Variants in CFAP20DC observed in about 807,000 individuals in gnomAD.
The protein encoded by CFAP20DC is CFAP20 domain containing.
In CFAP20DC, 84 loss-of-function variants were observed where a neutral mutation model predicts 101.7. The ratio of observed to expected loss-of-function variants is 0.83; its 90% CI spans 0.69 to 0.99. CFAP20DC has a LOEUF of 0.99. CFAP20DC is among the 50% of genes least tolerant of loss of function. CFAP20DC has a pLI of 0.00. For synonymous variants in CFAP20DC, 359 were observed against 351.2 expected (o/e 1.02, Z -0.25); for missense variants, 1,007 against 970.3 (o/e 1.04, Z -0.50).
intron 14 of CFAP20DC, among the ~76,000 whole-genome samples, chr3:58,812,547 G>C (rs2074742559): frequency 6.6e-6 from 1 of 151,228 alleles, no homozygotes; most frequent in East Asian, 1.9e-4. Context: ...ACAGTCTGGG[G>C]ACTGTTGTGG....
intron 14 of CFAP20DC, among the ~76,000 whole-genome samples, chr3:58,814,947 G>C (rs1339286296): frequency 1.3e-5 from 2 of 150,926 alleles, no homozygotes; most frequent in Non-Finnish European, 2.9e-5. Context: ...GTAATTTATA[G>C]ATTCAATGCC....
At chr3:58,780,106 C>T (rs993598053) in intron 15 of CFAP20DC, among the ~76,000 whole-genome samples, 1 of 151,986 alleles carries the variant, frequency 6.6e-6, no homozygotes, top group Non-Finnish European at 1.5e-5. Context: ...GGATACTATA[C>T]CCAGCAAAAT....
chr3:59,049,534 T>C (rs1700144347), intron 1 of CFAP20DC, 77 bp downstream of exon 1: 1 of 1,349,506 alleles, frequency 7.4e-7, no homozygotes, highest in South Asian at 1.2e-5. Flanking sequence ...GGGTGCACTT[T>C]ATCCTCACCC....
rs1436371516 is a variant in CFAP20DC, at chr3:58,882,833, G to A, written c.715+1712C>T. ...GGTAACTGTGGAAGCAGGTGATTGG[G>A]TACACAGGGGTTGTTCATCATACAT... is the stretch of plus-strand genomic sequence containing the variant. On this transcript the variant is annotated intron_variant, in intron 7 of 16. Transcript: ENST00000482387. The surrounding 1 kb of genome is among the most constrained non-coding windows in gnomAD (Gnocchi z 4.2). Among the ~76,000 whole-genome samples, 2 of 152,138 alleles carry A rather than the reference G, an allele frequency of 1.3e-5. No homozygotes were observed. The highest frequency in any genetic ancestry group is 6.5e-5 in the Admixed American group (1 of 15,276).
intron 6 of CFAP20DC, among the ~76,000 whole-genome samples, chr3:58,891,227 G>C (rs1026250037): frequency 5.9e-5 from 9 of 151,736 alleles, no homozygotes; most frequent in Non-Finnish European, 7.4e-5. Flanking sequence ...GCTGGAGACC[G>C]GCCCGGCCAA....
chr3:58,940,662 C>T (rs2088418417), intron 4 of CFAP20DC, among the ~76,000 whole-genome samples: 1 of 152,018 alleles, frequency 6.6e-6, no homozygotes, highest in Non-Finnish European at 1.5e-5. Context: ...ATTCTTATAC[C>T]AATAATACAC....
chr3:58,727,828 G>A (rs1355046345), intron 3 of CFAP20DC: 1 of 152,166 alleles, frequency 6.6e-6, no homozygotes, highest in Non-Finnish European at 1.5e-5. Flanking sequence ...CTTTTTCCCA[G>A]GGCCACTTTG....
At chr3:58,845,777 A>C (rs979383250) in intron 13 of CFAP20DC, among the ~76,000 whole-genome samples, 2 of 150,154 alleles carry the variant, frequency 1.3e-5, no homozygotes, top group Non-Finnish European at 3.0e-5. Context: ...AAATACTGGC[A>C]AAACGAATCC....
chr3:58,797,933 A>G (rs980701888), intron 15 of CFAP20DC, among the ~76,000 whole-genome samples: 4 of 152,180 alleles, frequency 2.6e-5, no homozygotes, highest in Admixed American at 6.5e-5. Context: ...AGTATACTGA[A>G]TATCTTGAGC....
intron 4 of CFAP20DC, among the ~76,000 whole-genome samples, chr3:58,948,984 T>G (rs1032017081): frequency 5.3e-5 from 8 of 152,210 alleles, no homozygotes; most frequent in African/African-American, 1.7e-4. Flanking sequence ...ATTGGTCTAT[T>G]CAGAGATTCA....
chr3:59,005,298 C>A (rs1348322816), intron 4 of CFAP20DC, among the ~76,000 whole-genome samples: 2 of 152,182 alleles, frequency 1.3e-5, no homozygotes, highest in African/African-American at 4.8e-5. Context: ...AGTCCAGCCA[C>A]ATGCACAGTT....
At chr3:59,047,517 G>A (rs1176839962) in intron 1 of CFAP20DC, among the ~76,000 whole-genome samples, 2 of 152,134 alleles carry the variant, frequency 1.3e-5, no homozygotes, top group Non-Finnish European at 2.9e-5. Context: ...AAACCCTACA[G>A]TATCTCAGTG....
chr3:58,945,697 C>CT (rs66828789), intron 4 of CFAP20DC, among the ~76,000 whole-genome samples: 3,064 of 138,460 alleles, frequency 0.022, 52 homozygotes, highest in Middle Eastern at 0.034. Flanking sequence ...AAGTCACTTT[C>CT]TTTTTTTTTT....
chr3:58,959,870 T>C (rs893229966), intron 4 of CFAP20DC, among the ~76,000 whole-genome samples: 1 of 152,214 alleles, frequency 6.6e-6, no homozygotes, highest in African/African-American at 2.4e-5. Flanking sequence ...ATACTGAATC[T>C]TCCAAATCAA....
chr3:59,005,068 G>A (rs116592292), intron 4 of CFAP20DC, among the ~76,000 whole-genome samples: 427 of 152,074 alleles, frequency 2.8e-3, no homozygotes, highest in Non-Finnish European at 4.8e-3. Context: ...TTTAACTTGG[G>A]GTATGGCCAT....
chr3:58,963,176 C>T (rs913043756), intron 4 of CFAP20DC, among the ~76,000 whole-genome samples: 1 of 134,466 alleles, frequency 7.4e-6, no homozygotes, highest in Non-Finnish European at 1.6e-5. Context: ...TACTTCTTCT[C>T]AAGGTTCAGT....
intron 4 of CFAP20DC, among the ~76,000 whole-genome samples, chr3:58,965,712 T>C (rs999535204): frequency 6.6e-5 from 10 of 152,214 alleles, no homozygotes; most frequent in African/African-American, 1.9e-4. Context: ...ATGAATTACA[T>C]TAACTTTCAC....
intron 5 of CFAP20DC, among the ~76,000 whole-genome samples, chr3:58,921,463 T>C (rs573245613): frequency 1.3e-5 from 2 of 152,204 alleles, no homozygotes; most frequent in Non-Finnish European, 2.9e-5. Flanking sequence ...AAATCAGCTA[T>C]ACTGTTTTCT....
chr3:58,717,776 A>G lies in CFAP20DC; in HGVS notation c.198-148T>C. 1 of 342,826 alleles carries G rather than the reference A, an allele frequency of 2.9e-6. No individual in the cohort carries two copies. Among genetic ancestry groups the G allele is most frequent in the Non-Finnish European group, 5.7e-6 (1 of 174,426 alleles). 21.2% of individuals were successfully genotyped at this position (342,826 alleles called of 1,614,324 possible). ...TACTTTGGCTGGCAACTTATTAGCT[A>G]GAACTGGTGACTTGATCATCTCCAG... On this transcript the variant is annotated intron_variant, in intron 3 of 3. Coordinates refer to the CFAP20DC transcript ENST00000486145. This position sits in a 1 kb window ranked among gnomAD's most constrained non-coding sequence, Gnocchi z 4.1.
Sources: gnomAD v4.1 joint callset for allele counts (sites outside exome capture counted in the v4.1 genomes callset) on GRCh38, gnomAD v4.1.1 for gene constraint, Gnocchi (gnomAD v3.1) non-coding constraint, MANE v1.5 for transcripts, NCBI Gene and HGNC (gene_info 2026-07-23, HGNC 2026-07-21) for gene names.